OR5H1: variants seen among roughly 807,000 people sequenced by gnomAD.
OR5H1 encodes olfactory receptor 5H1.
For missense variants in OR5H1, 378 were observed against 366.8 expected, an observed-to-expected ratio of 1.03 and a Z score of -0.25; for synonymous variants, 124 against 134.4, an observed-to-expected ratio of 0.92 and a Z score of 0.54.
Position 98,133,058 on chromosome 3 carries a change from G to C in OR5H1, c.361G>C (p.Asp121His). The C allele has an allele frequency of 6.2e-7, 1 of 1,613,662 alleles. No individual in the cohort carries two copies. Among genetic ancestry groups the C allele is most frequent in the East Asian group, 2.2e-5 (1 of 44,864 alleles). Residue 121 changes from aspartate (D) to histidine (H), a missense_variant, in exon 2 of 2, where the codon GAT becomes CAT. Coordinates refer to ENST00000641874, the MANE Select transcript of OR5H1 (RefSeq NM_001005338.2). The stretch of plus-strand genomic sequence containing the variant: ...TTTTCTCTTGGCAACGATGGCATAT[G>C]ATCGCTATGTAGCCATATGCAAACC... The part of the protein sequence containing the change: ...ECFLLATMAY[D>H]RYVAICKPLL...
At position 98,133,038 on chromosome 3, in the gene OR5H1, T is replaced by C. The variant is rs759620530; in HGVS notation, c.341T>C (p.Leu114Pro). 5.0e-6 allele frequency: 8 copies of C among 1,613,532 alleles called. No individual in the cohort carries two copies. Among genetic ancestry groups the C allele is most frequent in the Non-Finnish European group, 5.1e-6 (6 of 1,179,680 alleles). The change falls in exon 2 of 2, where the codon CTC (leucine) becomes CCC (proline). Residue 114 changes from leucine (L) to proline (P), a missense_variant. Leu to Pro is a moderately conservative substitution (Grantham distance 98). Transcript: ENST00000641874. Reference sequence around the variant, plus strand: ...ATCAGTGTAACCACGGAATGTTTTCTCTTGGCAACGATGGCATATGATCGC... The same window carrying C: ...ATCAGTGTAACCACGGAATGTTTTCCCTTGGCAACGATGGCATATGATCGC... ...FAISVTTECFLLATMAYDRYV... is the reference protein window; with the variant it reads ...FAISVTTECFPLATMAYDRYV...
rs1433272452 is a variant in OR5H1 at position 98,134,231 on chromosome 3, C to A, written c.*592C>A. 1 of 152,892 alleles carries A rather than the reference C, an allele frequency of 6.5e-6. No individual in the cohort carries two copies. Among genetic ancestry groups the A allele is most frequent in the African/African-American group, 2.4e-5 (1 of 41,448 alleles). The allele number at this position is 152,892 out of a possible 1,614,324, so 9.5% of individuals were successfully genotyped here. On this transcript the variant is annotated 3_prime_UTR_variant, in exon 2 of 2. Transcript: ENST00000641874. ...CCATAGTGTAAGAGCATGCTCTTAACTCTATGTGCTCGTATGAGTAAGAAG... is the reference window on the plus strand; with the variant it reads ...CCATAGTGTAAGAGCATGCTCTTAAATCTATGTGCTCGTATGAGTAAGAAG...
chr3:98,133,376 A>G lies in OR5H1; in HGVS notation c.679A>G (p.Lys227Glu). ...TACATTTGTTCTCTTCGCAATCTTA[A>G]AAAAGAAATCTGATAAAGGTGTAAG... ...SYTFVLFAIL[K>E]KKSDKGVRKA... The change falls in exon 2 of 2, where the codon AAA (lysine) becomes GAA (glutamate). Residue 227 changes from lysine (K) to glutamate (E), a missense_variant. By Grantham distance (56) the Lys-to-Glu change is moderately conservative. Coordinates refer to ENST00000641874, the MANE Select transcript of OR5H1 (RefSeq NM_001005338.2). 1.9e-6 allele frequency: 3 copies of G among 1,613,172 alleles called. No individual in the cohort carries two copies. The highest frequency in any genetic ancestry group is 1.7e-4 in the Middle Eastern group (1 of 6,058).
chr3:98,136,836 A>T lies in OR5H1; in HGVS notation c.*3197A>T, dbSNP rs547119320. On this transcript the variant is annotated 3_prime_UTR_variant, in exon 2 of 2. Coordinates refer to ENST00000641874, the MANE Select transcript of OR5H1 (RefSeq NM_001005338.2). ...CCACTTCGCCTGCTGTCATGAGTGA[A>T]GTAGGCTGAAGCTGTCATCAGAAGT... is the stretch of plus-strand genomic sequence containing the variant. The T allele has an allele frequency of 6.6e-6, 1 of 152,296 alleles. No individual in the cohort carries two copies. Among genetic ancestry groups the T allele is most frequent in the East Asian group, 1.9e-4 (1 of 5,162 alleles). 9.4% of individuals were successfully genotyped at this position (152,296 alleles called of 1,614,324 possible).
chr3:98,133,386 C>A lies in OR5H1; in HGVS notation c.689C>A (p.Ser230Tyr), dbSNP rs1405246281. 8 of 1,613,000 alleles carry A rather than the reference C, an allele frequency of 5.0e-6. No homozygotes were observed. The highest frequency in any genetic ancestry group is 4.0e-5 in the African/African-American group (3 of 74,670). ...CTCTTCGCAATCTTAAAAAAGAAATCTGATAAAGGTGTAAGGAAAGCCTTT... is the reference window on the plus strand; with the variant it reads ...CTCTTCGCAATCTTAAAAAAGAAATATGATAAAGGTGTAAGGAAAGCCTTT... ...FVLFAILKKK[S>Y]DKGVRKAFST... The change falls in exon 2 of 2, where the codon TCT (serine) becomes TAT (tyrosine). Residue 230 changes from serine to tyrosine, a missense_variant. Ser to Tyr is a moderately radical substitution (Grantham distance 144, BLOSUM62 -2). Coordinates refer to ENST00000641874, the MANE Select transcript of OR5H1 (RefSeq NM_001005338.2).
In OR5H1 at chr3:98,133,814, C is replaced by A. The variant is rs370394275; in HGVS notation, c.*175C>A. 3.3e-4 allele frequency: 183 copies of A among 560,382 alleles called. 1 individual carries two copies. The highest frequency in any genetic ancestry group is 3.3e-3 in the African/African-American group (173 of 53,174). 34.7% of individuals were successfully genotyped at this position (560,382 alleles called of 1,614,324 possible). A position where few individuals can be genotyped will look rare whatever the true frequency, so the allele number is the denominator to read the frequency against. On this transcript the variant is annotated 3_prime_UTR_variant, in exon 2 of 2. Transcript: ENST00000641874. The stretch of plus-strand genomic sequence containing the variant: ...TGTCTATATGTTATTCAAAAGCATT[C>A]AAGAAATTTTCATACTGTTCATAAT...
At chr3:98,130,929 T>A (rs192439169) in intron 1 of OR5H1, 79 bp downstream of exon 1, 1 of 152,266 alleles carries the variant, frequency 6.6e-6, no homozygotes. Flanking sequence ...ATTAAAATTT[T>A]AGATTGGGTA....
At chr3:98,131,874 T>G (rs1021485876) in intron 1 of OR5H1, among the ~76,000 whole-genome samples, 1 of 152,146 alleles carries the variant, frequency 6.6e-6, no homozygotes, top group African/African-American at 2.4e-5. Flanking sequence ...TCTCCTTCAC[T>G]GACCACTTAC....
At position 98,132,602 on chromosome 3, in the gene OR5H1, C is replaced by T. The variant is rs911246990; in HGVS notation, c.-18-78C>T. On this transcript the variant is annotated intron_variant, in intron 1 of 1. Coordinates refer to ENST00000641874, the MANE Select transcript of OR5H1 (RefSeq NM_001005338.2). ...GAGGGTTCTGATCATTTTAGGTTTT[C>T]CTTCAGCACCTCTTCCCCAATTTCA... The T allele has an allele frequency of 4.6e-6, 7 of 1,506,170 alleles. No homozygotes were observed. In the East Asian group the frequency reaches 1.4e-4, roughly 29 times the overall value. 93.3% of individuals were successfully genotyped at this position (1,506,170 alleles called of 1,614,324 possible).
In OR5H1 at chr3:98,133,380, A is replaced by G. The variant is rs750381220; in HGVS notation, c.683A>G (p.Lys228Arg). ...YTFVLFAILK[K>R]KSDKGVRKAF... is the part of the protein sequence containing the mutation. ...TTTGTTCTCTTCGCAATCTTAAAAAAGAAATCTGATAAAGGTGTAAGGAAA... is the reference window on the plus strand; with the variant it reads ...TTTGTTCTCTTCGCAATCTTAAAAAGGAAATCTGATAAAGGTGTAAGGAAA... Residue 228 changes from lysine (K) to arginine (R), a missense_variant, in exon 2 of 2, where the codon AAG (lysine) becomes AGG (arginine). Physicochemically the swap from Lys to Arg is conservative, Grantham distance 26 (BLOSUM62 2). Coordinates refer to ENST00000641874, the MANE Select transcript of OR5H1 (RefSeq NM_001005338.2). The G allele has an allele frequency of 6.2e-6, 10 of 1,613,168 alleles. No individual in the cohort carries two copies. Among genetic ancestry groups the G allele is most frequent in the Non-Finnish European group, 6.8e-6 (8 of 1,179,646 alleles).
chr3:98,131,115 A>G (rs1708251290), intron 1 of OR5H1, among the ~76,000 whole-genome samples: 1 of 152,106 alleles, frequency 6.6e-6, no homozygotes, highest in Non-Finnish European at 1.5e-5. Flanking sequence ...GCATTAAACA[A>G]CTAAAACTTG....
rs1708300411 is a variant in OR5H1, at chr3:98,134,738, AT to A, written c.*1101del. ...CTCTCCTTCATCTTTCAATACTGAA[AT>A]TCCTTTCACATTCTCACTGATACTA... On this transcript the variant is annotated 3_prime_UTR_variant, in exon 2 of 2. Coordinates refer to ENST00000641874, the MANE Select transcript of OR5H1 (RefSeq NM_001005338.2). 6.6e-6 allele frequency: 1 copy of A among 152,016 alleles called. No individual in the cohort carries two copies. The highest frequency in any genetic ancestry group is 2.4e-5 in the African/African-American group (1 of 41,416). The allele number at this position is 152,016 out of a possible 1,614,324, so 9.4% of individuals were successfully genotyped here.
rs1708330054 is a variant in OR5H1, at chr3:98,137,097, A to G, written c.*3458A>G. 6.6e-6 allele frequency: 1 copy of G among 152,210 alleles called. No homozygotes were observed. Among genetic ancestry groups the G allele is most frequent in the South Asian group, 2.1e-4 (1 of 4,836 alleles). The allele number at this position is 152,210 out of a possible 1,614,324, so 9.4% of individuals were successfully genotyped here. ...CAGTCACAGTAGTGGTAATATAACC[A>G]TAATTATGTTATATTGTAATAACAG... On this transcript the variant is annotated 3_prime_UTR_variant, in exon 2 of 2. Transcript: ENST00000641874.
rs1708287725 is a variant in OR5H1 at position 98,133,836 on chromosome 3, TAATAG to T, written c.*202_*206del. 3.9e-6 allele frequency: 2 copies of T among 506,330 alleles called. No individual in the cohort carries two copies. Among genetic ancestry groups the T allele is most frequent in the Non-Finnish European group, 3.5e-6 (1 of 284,488 alleles). The allele number at this position is 506,330 out of a possible 1,614,324, so 31.4% of individuals were successfully genotyped here. A position where few individuals can be genotyped will look rare whatever the true frequency, so the allele number is the denominator to read the frequency against. ...ATTCAAGAAATTTTCATACTGTTCA[TAATAG>T]AATAATGACTGTAGAAATCAAATAA... On this transcript the variant is annotated 3_prime_UTR_variant, in exon 2 of 2. Transcript: ENST00000641874.
Position 98,135,129 on chromosome 3 carries a change from A to G in OR5H1, c.*1490A>G, listed in dbSNP as rs1328381873. On this transcript the variant is annotated 3_prime_UTR_variant, in exon 2 of 2. Coordinates refer to ENST00000641874, the MANE Select transcript of OR5H1 (RefSeq NM_001005338.2). Reference sequence around the variant, plus strand: ...GAGACTCGATTTATTTTGCAACACCAGATTGCATGTGGTATGGGGATTTCC... The same window carrying G: ...GAGACTCGATTTATTTTGCAACACCGGATTGCATGTGGTATGGGGATTTCC... The G allele has an allele frequency of 4.6e-5, 7 of 152,182 alleles. No individual in the cohort carries two copies. Among genetic ancestry groups the G allele is most frequent in the Admixed American group, 4.6e-4 (7 of 15,248 alleles). The allele number at this position is 152,182 out of a possible 1,614,324, so 9.4% of individuals were successfully genotyped here.
At position 98,133,043 on chromosome 3, in the gene OR5H1, G is replaced by A. The variant is rs141437912; in HGVS notation, c.346G>A (p.Ala116Thr). The A allele has an allele frequency of 6.2e-6, 10 of 1,613,376 alleles. No individual in the cohort carries two copies. The African/African-American group carries it at 1.1e-4, about 17-fold the overall frequency. ...ISVTTECFLL[A>T]TMAYDRYVAI... Reference sequence around the variant, plus strand: ...TGTAACCACGGAATGTTTTCTCTTGGCAACGATGGCATATGATCGCTATGT... The same window carrying A: ...TGTAACCACGGAATGTTTTCTCTTGACAACGATGGCATATGATCGCTATGT... The change falls in exon 2 of 2, where the codon GCA (alanine) becomes ACA (threonine). Residue 116 changes from alanine (A) to threonine (T), a missense_variant. Transcript: ENST00000641874.
In OR5H1 at chr3:98,133,770, T is replaced by C. The variant is rs548165966; in HGVS notation, c.*131T>C. 470 of 682,090 alleles carry C rather than the reference T, an allele frequency of 6.9e-4. No individual in the cohort carries two copies. Among genetic ancestry groups the C allele is most frequent in the Non-Finnish European group, 9.2e-4 (370 of 401,744 alleles). The allele number at this position is 682,090 out of a possible 1,614,324, so 42.3% of individuals were successfully genotyped here. ...TTTAGTGAGCTAATGTTTTAGTACC[T>C]AATAAACTAATCGCAATATGTCTAT... is the stretch of plus-strand genomic sequence containing the variant. On this transcript the variant is annotated 3_prime_UTR_variant, in exon 2 of 2. Coordinates refer to ENST00000641874, the MANE Select transcript of OR5H1 (RefSeq NM_001005338.2).
chr3:98,134,875 GT>G lies in OR5H1; in HGVS notation c.*1242del, dbSNP rs1481538988. ...ACTTCCCCAAAATGGCTGTTAGATT[GT>G]TTTTTCAAATGGAACTCTAACTAAT... On this transcript the variant is annotated 3_prime_UTR_variant, in exon 2 of 2. Coordinates refer to ENST00000641874, the MANE Select transcript of OR5H1 (RefSeq NM_001005338.2). 6.6e-6 allele frequency: 1 copy of G among 151,910 alleles called. No individual in the cohort carries two copies. Among genetic ancestry groups the G allele is most frequent in the African/African-American group, 2.4e-5 (1 of 41,390 alleles). 9.4% of individuals were successfully genotyped at this position (151,910 alleles called of 1,614,324 possible). A position where few individuals can be genotyped will look rare whatever the true frequency, so the allele number is the denominator to read the frequency against.
Position 98,132,902 on chromosome 3 carries a change from GTGGATGCT to G in OR5H1, c.211_218del (p.Ala71IlefsTer11). On this transcript the variant is annotated frameshift_variant, in exon 2 of 2. Transcript: ENST00000641874. LOFTEE classifies it low-confidence loss of function (END_TRUNC). Reference sequence around the variant, plus strand: ...CTTACTCCTTGGGAATTTAGCTTTTGTGGATGCTTGGATATCATCCACAGTGACCCCAA... The same window carrying G: ...CTTACTCCTTGGGAATTTAGCTTTTGTGGATATCATCCACAGTGACCCCAA... 6.2e-7 allele frequency: 1 copy of G among 1,613,412 alleles called. No homozygotes were observed. The highest frequency in any genetic ancestry group is 2.2e-5 in the East Asian group (1 of 44,848).
Sources: allele counts gnomAD v4.1 joint callset (sites outside exome capture counted in the v4.1 genomes callset), GRCh38; gene constraint gnomAD v4.1.1; transcripts MANE v1.5; gene names NCBI Gene and HGNC (gene_info 2026-07-23, HGNC 2026-07-21).